MYO1H: variants seen among roughly 807,000 people sequenced by gnomAD.
The protein encoded by MYO1H is myosin IH.
In MYO1H, 118 loss-of-function variants were observed where a neutral mutation model predicts 149.3. The ratio of observed to expected loss-of-function variants is 0.79; its 90% CI spans 0.68 to 0.92. The LOEUF is 0.92. MYO1H is among the 40% of genes least tolerant of loss of function. MYO1H has a pLI of 0.00. For synonymous variants in MYO1H, 447 were observed against 465.2 expected (o/e 0.96, Z 0.50); for missense variants, 1,212 against 1,280.7 (o/e 0.95, Z 0.82).
At chr12:109,409,829 A>G (rs976869978) in intron 11 of MYO1H, 134 bp from the exon 12 acceptor site, 10 of 660,094 alleles carry the variant, frequency 1.5e-5, no homozygotes, top group South Asian at 2.3e-5. Context: ...CTTATGATCT[A>G]TTTAGTAAAT....
intron 1 of MYO1H, among the ~76,000 whole-genome samples, chr12:109,357,654 T>C (rs1335317679): frequency 6.6e-6 from 1 of 151,674 alleles, no homozygotes; most frequent in Non-Finnish European, 1.5e-5. Flanking sequence ...CTTGATTTTT[T>C]TTCTCCCAAC....
chr12:109,324,492 C>T, the MYO1H span, among the ~76,000 whole-genome samples: 1 of 152,152 alleles, frequency 6.6e-6, no homozygotes, highest in Non-Finnish European at 1.5e-5. Flanking sequence ...TTATAAGCTT[C>T]CCCCTGCCAT....
chr12:109,324,265 A>G, the MYO1H span, among the ~76,000 whole-genome samples: 1 of 152,188 alleles, frequency 6.6e-6, no homozygotes, highest in African/African-American at 2.4e-5. Flanking sequence ...AGGGGGCCAC[A>G]TGCTGCAATG....
chr12:109,424,785 G>A (rs756213961), exon 17 of MYO1H: 9 of 1,613,848 alleles, frequency 5.6e-6, no homozygotes, highest in Non-Finnish European at 5.9e-6. Context: ...CTGAGGGAAT[G>A]CTTCCTGCTG....
intron 2 of MYO1H, among the ~76,000 whole-genome samples, chr12:109,392,577 C>T (rs1276286761): frequency 6.6e-6 from 1 of 151,838 alleles, no homozygotes; most frequent in Non-Finnish European, 1.5e-5. Context: ...ACAAAATTAG[C>T]TGGGGGTGGT....
intron 12 of MYO1H, 35 bp downstream of exon 12, chr12:109,410,103 C>A: frequency 9.3e-7 from 1 of 1,073,290 alleles, no homozygotes; most frequent in Non-Finnish European, 1.3e-6. Flanking sequence ...CATCTGATTT[C>A]TTCATCTAGC....
chr12:109,401,361 T>A, intron 6 of MYO1H, 89 bp downstream of exon 6: 3 of 1,330,974 alleles, frequency 2.3e-6, no homozygotes, highest in Non-Finnish European at 3.1e-6. Flanking sequence ...GTTTGAGACA[T>A]TCTATTACCA....
chr12:109,429,580 T>G (rs751303953), intron 19 of MYO1H, among the ~76,000 whole-genome samples: 6 of 152,214 alleles, frequency 3.9e-5, no homozygotes, highest in Non-Finnish European at 8.8e-5. Flanking sequence ...ATGCAAACAC[T>G]ATGCCATTTT....
chr12:109,397,885 C>T (rs1869982371), intron 5 of MYO1H, 73 bp downstream of exon 5: 5 of 1,147,554 alleles, frequency 4.4e-6, no homozygotes, highest in Middle Eastern at 2.0e-4. Flanking sequence ...AGCCAAGGCC[C>T]CTTAAGGGGA....
At chr12:109,408,090 G>A in intron 10 of MYO1H, 177 bp downstream of exon 10, 1 of 754,726 alleles carries the variant, frequency 1.3e-6, no homozygotes, top group Non-Finnish European at 2.2e-6. Context: ...CATGCCGAAT[G>A]ACTTATACAA....
At chr12:109,404,864 A>G (rs1248245392) in intron 7 of MYO1H, among the ~76,000 whole-genome samples, 2 of 116,952 alleles carry the variant, frequency 1.7e-5, no homozygotes, top group African/African-American at 3.3e-5. Context: ...TTTTTTTTTC[A>G]TTTTGATTGT....
chr12:109,390,951 G>C (rs540275987), intron 2 of MYO1H, among the ~76,000 whole-genome samples: 1 of 152,100 alleles, frequency 6.6e-6, no homozygotes, highest in South Asian at 2.1e-4. Flanking sequence ...TACTGTGCCC[G>C]GCCCACCCAT....
intron 4 of MYO1H, among the ~76,000 whole-genome samples, chr12:109,396,823 T>TTG (rs1869934357): frequency 8.1e-6 from 1 of 123,794 alleles, no homozygotes; most frequent in Non-Finnish European, 1.7e-5. Context: ...CGTTTTTTTT[T>TTG]TTTTTTTTTT....
rs1302447099 is a variant in MYO1H at position 109,435,019 on chromosome 12, ATTTCT to A, written c.2064-13_2064-9del. On this transcript the variant is annotated splice_polypyrimidine_tract_variant and intron_variant, in intron 20 of 31. Transcript: ENST00000310903. ...AAACTGACCAATTAATAACAAAAAC[ATTTCT>A]TTTCACTTCTAGAACCAAAATATTC... The A allele has an allele frequency of 1.7e-5, 26 of 1,574,656 alleles. No homozygotes were observed. The East Asian group carries it at 3.4e-4, about 20-fold the overall frequency.
chr12:109,423,424 T>A (rs1592810055), intron 16 of MYO1H, among the ~76,000 whole-genome samples: 1 of 152,166 alleles, frequency 6.6e-6, no homozygotes, highest in East Asian at 1.9e-4. Flanking sequence ...GGTCTCCCAA[T>A]GTGCTGGGAT....
chr12:109,419,757 C>T (rs1366983540), intron 15 of MYO1H, among the ~76,000 whole-genome samples: 1 of 151,704 alleles, frequency 6.6e-6, no homozygotes, highest in Non-Finnish European at 1.5e-5. Flanking sequence ...GTCTCAGACT[C>T]ACTATGTTGC....
chr12:109,408,571 G>A (rs1870499301), intron 10 of MYO1H, among the ~76,000 whole-genome samples: 2 of 152,002 alleles, frequency 1.3e-5, no homozygotes, highest in African/African-American at 2.4e-5. Flanking sequence ...TGAAACTCAC[G>A]CTTCAGTCAC....
intron 2 of MYO1H, among the ~76,000 whole-genome samples, chr12:109,392,664 C>T (rs1234483076): frequency 6.6e-6 from 1 of 151,564 alleles, no homozygotes; most frequent in Non-Finnish European, 1.5e-5. Flanking sequence ...TGCAATGAGC[C>T]GAGATCGAGC....
In MYO1H at chr12:109,432,987, A is replaced by AC; in HGVS notation, c.2043dup (p.Glu682ArgfsTer26). ...GGCTGATCAAGTACATCGGCTACAA[A>AC]CCCGAGGAATACAAGTTAGGCAAGT... is the stretch of plus-strand genomic sequence containing the variant. On this transcript the variant is annotated frameshift_variant, in exon 20 of 32. Transcript: ENST00000310903. LOFTEE classifies it high-confidence loss of function. 6.2e-7 allele frequency: 1 copy of AC among 1,614,010 alleles called. No homozygotes were observed. Among genetic ancestry groups the AC allele is most frequent in the Non-Finnish European group, 8.5e-7 (1 of 1,179,886 alleles).
Sources: gnomAD v4.1 joint callset for allele counts (sites outside exome capture counted in the v4.1 genomes callset) on GRCh38, gnomAD v4.1.1 for gene constraint, MANE v1.5 for transcripts, NCBI Gene and HGNC (gene_info 2026-07-23, HGNC 2026-07-21) for gene names.